Variants in COL8A1 observed in about 807,000 individuals in gnomAD.
COL8A1 encodes the protein collagen type VIII alpha 1 chain.
Under a neutral mutation model 42.7 loss-of-function variants are expected in COL8A1, and 21 were observed. The observed-to-expected ratio is 0.49, with a 90% confidence interval of 0.35 to 0.71. The LOEUF is 0.71. COL8A1 is among the 30% of genes least tolerant of loss of function. The pLI, the probability that COL8A1 is intolerant of heterozygous loss-of-function variation, is 0.01. For synonymous variants in COL8A1, 367 were observed against 369.1 expected (o/e 0.99, Z 0.06); for missense variants, 788 against 962.4 (o/e 0.82, Z 2.40).
intron 1 of COL8A1, among the ~76,000 whole-genome samples, chr3:99,708,367 C>T (rs1239588036): frequency 6.6e-6 from 1 of 152,024 alleles, no homozygotes; most frequent in Non-Finnish European, 1.5e-5. Context: ...TCCCTAATTC[C>T]TCATTTCTCC....
At chr3:99,771,233 T>C (rs1345089553) in intron 2 of COL8A1, among the ~76,000 whole-genome samples, 1 of 152,186 alleles carries the variant, frequency 6.6e-6, no homozygotes, top group Non-Finnish European at 1.5e-5. Context: ...TTGGAAGGTA[T>C]TGGAGGGTTT....
At chr3:99,704,344 G>A (rs1293874349) in intron 1 of COL8A1, among the ~76,000 whole-genome samples, 6 of 151,704 alleles carry the variant, frequency 4.0e-5, no homozygotes, top group Non-Finnish European at 7.4e-5. Flanking sequence ...GGTACTACAC[G>A]TAGGATTTTC....
At chr3:99,735,842 C>T (rs1940693215) in intron 1 of COL8A1, among the ~76,000 whole-genome samples, 1 of 152,028 alleles carries the variant, frequency 6.6e-6, no homozygotes, top group Admixed American at 6.6e-5. Flanking sequence ...TGTTATTGGT[C>T]TATTCAGAGA....
chr3:99,774,662 G>A (rs985023251), intron 2 of COL8A1, among the ~76,000 whole-genome samples: 3 of 152,012 alleles, frequency 2.0e-5, no homozygotes, highest in Non-Finnish European at 2.9e-5. Flanking sequence ...ATGTTTCCCT[G>A]TTACTCATTT....
At chr3:99,783,981 A>G (rs546814171) in intron 2 of COL8A1, among the ~76,000 whole-genome samples, 4 of 152,354 alleles carry the variant, frequency 2.6e-5, no homozygotes, top group African/African-American at 9.6e-5. Context: ...TGACTTAATG[A>G]ATACTTTAAG....
At chr3:99,779,931 T>C (rs1297589540) in intron 2 of COL8A1, among the ~76,000 whole-genome samples, 1 of 152,188 alleles carries the variant, frequency 6.6e-6, no homozygotes, top group Non-Finnish European at 1.5e-5. Context: ...GGACAATTGG[T>C]CAGCCTAGTT....
At chr3:99,679,513 C>T (rs747082300) in intron 1 of COL8A1, 6 of 152,178 alleles carry the variant, frequency 3.9e-5, no homozygotes, top group South Asian at 2.1e-4. Flanking sequence ...ATTTCATTCA[C>T]CAATAGTGGC....
At chr3:99,711,392 G>C (rs1214847678) in intron 1 of COL8A1, among the ~76,000 whole-genome samples, 6 of 152,126 alleles carry the variant, frequency 3.9e-5, no homozygotes, top group Non-Finnish European at 8.8e-5. Context: ...TAATTGTTTT[G>C]TTTTCAGCCT....
intron 3 of COL8A1, among the ~76,000 whole-genome samples, chr3:99,791,757 A>G (rs963001393): frequency 2.0e-5 from 3 of 152,218 alleles, no homozygotes; most frequent in African/African-American, 7.2e-5. Flanking sequence ...ACTAGTCCCT[A>G]CAATGGCAGG....
intron 1 of COL8A1, chr3:99,678,953 G>A (rs2107320813): frequency 6.6e-6 from 1 of 152,144 alleles, no homozygotes; most frequent in South Asian, 2.1e-4. Context: ...TATATTGAGG[G>A]ATGAAAAGCA....
At chr3:99,716,041 C>T (rs1939985292) in intron 1 of COL8A1, among the ~76,000 whole-genome samples, 1 of 151,878 alleles carries the variant, frequency 6.6e-6, no homozygotes. Context: ...CCTTTTCGTC[C>T]AAAGGTAGAA....
chr3:99,656,972 C>T (rs1329112823), intron 1 of COL8A1, among the ~76,000 whole-genome samples: 1 of 152,188 alleles, frequency 6.6e-6, no homozygotes, highest in African/African-American at 2.4e-5. Flanking sequence ...CTGAACATTG[C>T]CTTTCAGTAG....
At chr3:99,689,697 C>T (rs1354909711) in intron 1 of COL8A1, among the ~76,000 whole-genome samples, 1 of 152,194 alleles carries the variant, frequency 6.6e-6, no homozygotes, top group African/African-American at 2.4e-5. Flanking sequence ...TAACATTCAT[C>T]CATGTGCCAT....
intron 1 of COL8A1, among the ~76,000 whole-genome samples, chr3:99,713,850 G>A (rs941115215): frequency 6.6e-6 from 1 of 152,100 alleles, no homozygotes; most frequent in South Asian, 2.1e-4. Context: ...TGCACAAGAG[G>A]AGCCAACTTG....
At chr3:99,695,373 C>T (rs953741908) in intron 1 of COL8A1, among the ~76,000 whole-genome samples, 4 of 151,930 alleles carry the variant, frequency 2.6e-5, no homozygotes, top group African/African-American at 9.7e-5. Flanking sequence ...GGTAATAAAC[C>T]AGCATTTAAG....
intron 1 of COL8A1, among the ~76,000 whole-genome samples, chr3:99,669,151 G>GTATATA (rs1559773186): frequency 1.8e-5 from 2 of 114,060 alleles, no homozygotes; most frequent in East Asian, 2.8e-4. Flanking sequence ...ATATATAGAG[G>GTATATA]GAGAGAGAGA....
intron 1 of COL8A1, among the ~76,000 whole-genome samples, chr3:99,725,498 T>C (rs1009494925): frequency 6.6e-6 from 1 of 151,492 alleles, no homozygotes; most frequent in Non-Finnish European, 1.5e-5. Context: ...ATGTGCCATG[T>C]TGGTGTGCTG....
At chr3:99,640,176 AG>A (rs1228043525) in intron 1 of COL8A1, among the ~76,000 whole-genome samples, 1 of 152,256 alleles carries the variant, frequency 6.6e-6, no homozygotes, top group Non-Finnish European at 1.5e-5. Flanking sequence ...AAATATTGCA[AG>A]AAGTGCAGTT....
intron 1 of COL8A1, among the ~76,000 whole-genome samples, chr3:99,702,924 T>C (rs1189915307): frequency 6.6e-6 from 1 of 151,166 alleles, no homozygotes. Flanking sequence ...AATGAGGGAG[T>C]GAGCTATAAG....
Sources: gnomAD v4.1 joint callset for allele counts (sites outside exome capture counted in the v4.1 genomes callset) on GRCh38, gnomAD v4.1.1 for gene constraint, MANE v1.5 for transcripts, NCBI Gene and HGNC (gene_info 2026-07-23, HGNC 2026-07-21) for gene names.